Variants in ATXN7L1 observed in about 807,000 individuals in gnomAD.
ATXN7L1 encodes ataxin 7 like 1, also known as ataxin-7-like protein 1.
Under a neutral mutation model 70.8 loss-of-function variants are expected in ATXN7L1, and 15 were observed. The observed-to-expected ratio is 0.21, with a 90% CI of 0.14 to 0.33. ATXN7L1 has a LOEUF of 0.33. Ranked by LOEUF, ATXN7L1 falls within the 10% of genes least tolerant of loss-of-function variation. The probability of loss-of-function intolerance (pLI) is 1.00; values close to 1 mark genes in which losing one functional copy is unlikely to be tolerated. For synonymous variants in ATXN7L1, 440 were observed against 445.1 expected, an observed-to-expected ratio of 0.99 and a Z score of 0.14; for missense variants, 975 against 1,097.1, an observed-to-expected ratio of 0.89 and a Z score of 1.57.
intron 3 of ATXN7L1, among the ~76,000 whole-genome samples, chr7:105,704,448 C>T (rs1792868304): frequency 6.6e-6 from 1 of 152,074 alleles, no homozygotes; most frequent in South Asian, 2.1e-4. Context: ...GTTAGTACTT[C>T]AAAAAGCAAC....
At chr7:105,686,326 G>A (rs1297110957) in intron 3 of ATXN7L1, among the ~76,000 whole-genome samples, 1 of 152,170 alleles carries the variant, frequency 6.6e-6, no homozygotes, top group Non-Finnish European at 1.5e-5. Flanking sequence ...GACCAGCCTG[G>A]CCAACATGGT....
At chr7:105,844,918 T>C (rs770008670) in intron 2 of ATXN7L1, among the ~76,000 whole-genome samples, 11 of 152,070 alleles carry the variant, frequency 7.2e-5, no homozygotes, top group Non-Finnish European at 1.2e-4. Context: ...TAAGAATCAG[T>C]TGTGGGCTGG....
At chr7:105,713,190 A>AC (rs1794136639) in intron 3 of ATXN7L1, among the ~76,000 whole-genome samples, 1 of 152,014 alleles carries the variant, frequency 6.6e-6, no homozygotes, top group Admixed American at 6.6e-5. Flanking sequence ...GGGGAAATTC[A>AC]CCCCCATGAT....
chr7:105,644,216 TCTC>T (rs1342455718), intron 4 of ATXN7L1, among the ~76,000 whole-genome samples: 1 of 152,178 alleles, frequency 6.6e-6, no homozygotes, highest in Admixed American at 6.5e-5. Flanking sequence ...GCTGGCTGGC[TCTC>T]CTTTCTCTAA....
intron 3 of ATXN7L1, among the ~76,000 whole-genome samples, chr7:105,692,228 G>A (rs936948358): frequency 9.2e-5 from 14 of 152,148 alleles, no homozygotes; most frequent in African/African-American, 3.4e-4. Flanking sequence ...GTGCTTCCTC[G>A]AAGCATCTTT....
chr7:105,733,692 ATCC>A (rs1796975158), intron 3 of ATXN7L1, among the ~76,000 whole-genome samples: 1 of 139,446 alleles, frequency 7.2e-6, no homozygotes. Context: ...CCATCCACCC[ATCC>A]ATCCATTCAT....
Position 105,690,354 on chromosome 7 carries a change from C to A in ATXN7L1, c.356-25066G>T, listed in dbSNP as rs73411007. On this transcript the variant is annotated intron_variant, in intron 3 of 11. Coordinates refer to ENST00000419735, the MANE Select transcript of ATXN7L1 (RefSeq NM_020725.2). ...AGAAACATGGAGGAGAAAAGAAAGC[C>A]TCTCTTGGCAGCACTCAGCAGTTAG... 6.1e-3 allele frequency among the ~76,000 whole-genome samples: 934 copies of A among 152,250 alleles called. 12 individuals carry two copies. The highest frequency in any genetic ancestry group is 0.021 in the African/African-American group (889 of 41,546).
At chr7:105,797,330 C>A (rs1411251428) in intron 2 of ATXN7L1, among the ~76,000 whole-genome samples, 1 of 152,146 alleles carries the variant, frequency 6.6e-6, no homozygotes, top group East Asian at 1.9e-4. Flanking sequence ...GGATGTCCGC[C>A]CCCGGACCCC....
In ATXN7L1 at chr7:105,876,034, T is replaced by C. The variant is rs143853677; in HGVS notation, c.182-154A>G. Among the ~76,000 whole-genome samples, 527 of 152,264 alleles carry C rather than the reference T, an allele frequency of 3.5e-3. 4 individuals are homozygous for C. Among genetic ancestry groups the C allele is most frequent in the African/African-American group, 0.012 (502 of 41,538 alleles). ...CAAAAATTGACAATGCAACATTTTC[T>C]CCCAAGTCTGGGTTTCCATCTACCT... is the stretch of plus-strand genomic sequence containing the variant. On this transcript the variant is annotated intron_variant, in intron 1 of 11. Transcript: ENST00000419735.
chr7:105,842,108 C>T (rs929871138), intron 2 of ATXN7L1, among the ~76,000 whole-genome samples: 5 of 152,136 alleles, frequency 3.3e-5, no homozygotes, highest in Non-Finnish European at 7.4e-5. Flanking sequence ...TATTCTCTGG[C>T]CAGTCCCTCT....
chr7:105,692,457 C>CT (rs1311344063), intron 3 of ATXN7L1, among the ~76,000 whole-genome samples: 2 of 127,280 alleles, frequency 1.6e-5, no homozygotes, highest in Non-Finnish European at 3.3e-5. Flanking sequence ...TTCCTTCCTT[C>CT]TTTTTTTGAG....
intron 4 of ATXN7L1, among the ~76,000 whole-genome samples, chr7:105,655,616 G>A (rs532282640): frequency 6.6e-6 from 1 of 152,210 alleles, no homozygotes; most frequent in Non-Finnish European, 1.5e-5. Flanking sequence ...TGTGTCTTCA[G>A]GGAGCCATCA....
chr7:105,813,494 C>T (rs933741541), intron 2 of ATXN7L1, among the ~76,000 whole-genome samples: 13 of 152,080 alleles, frequency 8.5e-5, no homozygotes, highest in Non-Finnish European at 1.3e-4. Flanking sequence ...TGTGCCACCA[C>T]GCCCAGCTAA....
chr7:105,858,371 G>A (rs1003189035), intron 2 of ATXN7L1, among the ~76,000 whole-genome samples: 1 of 152,232 alleles, frequency 6.6e-6, no homozygotes, highest in Non-Finnish European at 1.5e-5. Flanking sequence ...TGGGAAAGAT[G>A]TCTTCTATAT....
intron 2 of ATXN7L1, among the ~76,000 whole-genome samples, chr7:105,872,025 CT>C: frequency 6.6e-6 from 1 of 151,424 alleles, no homozygotes; most frequent in South Asian, 2.1e-4. Context: ...TGGAGTCTCG[CT>C]CTTTCGCCCA....
chr7:105,619,527 T>TAC (rs1794592057), intron 9 of ATXN7L1, among the ~76,000 whole-genome samples: 1 of 14,866 alleles, frequency 6.7e-5, no homozygotes, highest in Non-Finnish European at 1.1e-4. Context: ...TATATATATA[T>TAC]ATATTTTTTT....
chr7:105,659,775 C>T (rs1801291801), intron 4 of ATXN7L1, among the ~76,000 whole-genome samples: 1 of 152,136 alleles, frequency 6.6e-6, no homozygotes, highest in Non-Finnish European at 1.5e-5. Flanking sequence ...TCTGTACCCA[C>T]AGCTTCCATG....
At position 105,631,348 on chromosome 7, in the gene ATXN7L1, G is replaced by C. The variant is rs573425556; in HGVS notation, c.1202+7005C>G. ...GCTGCAAAAGTCATAGGTGAGGTGAGGACTAAATACAGCTCAAGAGTTAAA... is the reference window on the plus strand; with the variant it reads ...GCTGCAAAAGTCATAGGTGAGGTGACGACTAAATACAGCTCAAGAGTTAAA... On this transcript the variant is annotated intron_variant, in intron 7 of 11. Coordinates refer to ENST00000419735, the MANE Select transcript of ATXN7L1 (RefSeq NM_020725.2). Among the ~76,000 whole-genome samples the C allele has an allele frequency of 3.9e-5, 6 of 152,102 alleles. 1 individual carries two copies. Among genetic ancestry groups the C allele is most frequent in the Non-Finnish European group, 7.4e-5 (5 of 68,026 alleles).
At chr7:105,630,593 G>A (rs570276672) in intron 7 of ATXN7L1, among the ~76,000 whole-genome samples, 1 of 152,194 alleles carries the variant, frequency 6.6e-6, no homozygotes, top group East Asian at 1.9e-4. Flanking sequence ...ATGGTGACAG[G>A]CACCTATAGT....
Sources: gnomAD v4.1 joint callset for allele counts (sites outside exome capture counted in the v4.1 genomes callset) on GRCh38, gnomAD v4.1.1 for gene constraint, MANE v1.5 for transcripts, NCBI Gene and HGNC (gene_info 2026-07-23, HGNC 2026-07-21) for gene names.